Variants in DGKB observed in about 807,000 individuals in gnomAD.
DGKB encodes the protein 90 kDa diacylglycerol kinase.
Under a neutral mutation model 114.3 loss-of-function variants are expected in DGKB, and 67 were observed. The ratio of observed to expected loss-of-function variants is 0.59; its 90% confidence interval spans 0.48 to 0.72. The LOEUF (loss-of-function observed/expected upper bound fraction) is 0.72. Ranked by LOEUF, DGKB falls within the 30% of genes least tolerant of loss-of-function variation. DGKB has a pLI of 0.00. For synonymous variants in DGKB, 398 were observed against 323.1 expected, an observed-to-expected ratio of 1.23 and a Z score of -2.49; for missense variants, 907 against 975.2, an observed-to-expected ratio of 0.93 and a Z score of 0.93.
chr7:14,292,660 G>A (rs1198345350), intron 23 of DGKB, among the ~76,000 whole-genome samples: 1 of 152,024 alleles, frequency 6.6e-6, no homozygotes, highest in Non-Finnish European at 1.5e-5. Flanking sequence ...CAGATCCTGG[G>A]GTGGTCTTAC....
intron 13 of DGKB, among the ~76,000 whole-genome samples, chr7:14,670,356 G>T (rs1818762060): frequency 6.6e-6 from 1 of 151,534 alleles, no homozygotes; most frequent in South Asian, 2.1e-4. Flanking sequence ...AGTCTGGAGT[G>T]CAGTGATGCA....
chr7:14,375,894 G>T (rs188751196), intron 21 of DGKB, among the ~76,000 whole-genome samples: 1 of 152,338 alleles, frequency 6.6e-6, no homozygotes, highest in East Asian at 1.9e-4. Context: ...TAAAGGATGA[G>T]TAAATTTCAA....
intron 25 of DGKB, among the ~76,000 whole-genome samples, chr7:14,159,545 A>ATATC (rs1179876556): frequency 2.0e-5 from 3 of 152,250 alleles, no homozygotes; most frequent in Admixed American, 2.0e-4. Context: ...TTCAGAGATC[A>ATATC]TATCTTTTTT....
intron 20 of DGKB, among the ~76,000 whole-genome samples, chr7:14,573,797 T>C (rs1183592106): frequency 6.6e-6 from 1 of 152,088 alleles, no homozygotes; most frequent in East Asian, 1.9e-4. Flanking sequence ...AGATTTTTAG[T>C]AAGTTATAAT....
chr7:14,170,533 TC>T (rs1182727549), intron 25 of DGKB, among the ~76,000 whole-genome samples: 3 of 152,148 alleles, frequency 2.0e-5, no homozygotes, highest in African/African-American at 7.2e-5. Context: ...TCTTGAAAAA[TC>T]CAGCAACCTT....
intron 21 of DGKB, among the ~76,000 whole-genome samples, chr7:14,408,365 C>T (rs1233344587): frequency 1.3e-5 from 2 of 151,996 alleles, no homozygotes; most frequent in Non-Finnish European, 2.9e-5. Context: ...TTTCTGAAAT[C>T]AATAAGCAAT....
intron 5 of DGKB, among the ~76,000 whole-genome samples, chr7:14,721,201 T>G (rs1033129168): frequency 6.6e-6 from 1 of 152,222 alleles, no homozygotes; most frequent in Non-Finnish European, 1.5e-5. Flanking sequence ...ATATTATAGA[T>G]CTTCACTTAT....
chr7:14,366,854 T>C (rs974033844), intron 21 of DGKB, among the ~76,000 whole-genome samples: 1 of 152,148 alleles, frequency 6.6e-6, no homozygotes, highest in Non-Finnish European at 1.5e-5. Context: ...AATTATATAC[T>C]TTATTGTGTC....
intron 20 of DGKB, among the ~76,000 whole-genome samples, chr7:14,537,808 C>T (rs1458209581): frequency 2.0e-5 from 3 of 152,082 alleles, no homozygotes; most frequent in African/African-American, 4.8e-5. Flanking sequence ...GGGCTGGGCG[C>T]GGTGGCTCAC....
chr7:14,590,662 T>C (rs978486918), intron 17 of DGKB, among the ~76,000 whole-genome samples: 3 of 152,144 alleles, frequency 2.0e-5, no homozygotes, highest in Non-Finnish European at 4.4e-5. Context: ...CATTCCTTAC[T>C]ACATTCATTC....
intron 8 of DGKB, among the ~76,000 whole-genome samples, chr7:14,696,187 C>G (rs1466338654): frequency 6.6e-6 from 1 of 151,980 alleles, no homozygotes; most frequent in Non-Finnish European, 1.5e-5. Flanking sequence ...AGTGTTAGTG[C>G]CCGCTGTTTA....
intron 21 of DGKB, among the ~76,000 whole-genome samples, chr7:14,394,201 C>T (rs1307729635): frequency 1.3e-5 from 2 of 152,136 alleles, no homozygotes; most frequent in African/African-American, 4.8e-5. Flanking sequence ...TGGGTTTCCA[C>T]AACTTACTTG....
intron 1 of DGKB, among the ~76,000 whole-genome samples, chr7:14,915,792 C>A (rs1385999880): frequency 6.6e-6 from 1 of 151,976 alleles, no homozygotes; most frequent in African/African-American, 2.4e-5. Flanking sequence ...AAAAGAGAAA[C>A]AGGGAATTTG....
intron 7 of DGKB, among the ~76,000 whole-genome samples, chr7:14,700,602 G>A (rs1056447136): frequency 2.6e-5 from 4 of 152,048 alleles, no homozygotes; most frequent in African/African-American, 9.7e-5. Context: ...CCTAGAGTAG[G>A]AGTTATATAT....
rs375640438 is a variant in DGKB at position 14,554,219 on chromosome 7, G to C, written c.1770+19993C>G. ...CAGCTAGGTAAAGACATTTATGTTTGATCACCACTGTGTTCCCTAACATTT... is the reference window on the plus strand; with the variant it reads ...CAGCTAGGTAAAGACATTTATGTTTCATCACCACTGTGTTCCCTAACATTT... On this transcript the variant is annotated intron_variant, in intron 20 of 25. Coordinates refer to ENST00000402815, the MANE Select transcript of DGKB (RefSeq NM_001350709.2). Among the ~76,000 whole-genome samples the C allele has an allele frequency of 2.5e-3, 379 of 152,162 alleles. 6 individuals are homozygous for C. Among genetic ancestry groups the C allele is most frequent in the African/African-American group, 8.8e-3 (364 of 41,514 alleles).
At chr7:14,816,595 A>T (rs1844188246) in intron 2 of DGKB, 1 of 152,186 alleles carries the variant, frequency 6.6e-6, no homozygotes, top group Non-Finnish European at 1.5e-5. Flanking sequence ...TGCATGTTAT[A>T]ACTGTGCCAC....
intron 23 of DGKB, among the ~76,000 whole-genome samples, chr7:14,196,187 A>G (rs1317504206): frequency 1.3e-5 from 2 of 152,030 alleles, no homozygotes; most frequent in African/African-American, 4.8e-5. Flanking sequence ...AGGACTAAGG[A>G]CCCCTCACTC....
chr7:14,737,283 ATTTTTTTTTTT>A (rs11348925), intron 4 of DGKB, among the ~76,000 whole-genome samples: 3 of 82,504 alleles, frequency 3.6e-5, no homozygotes, highest in African/African-American at 8.6e-5. Context: ...TTGAAGGCCA[ATTTTTTTTTTT>A]TTTTTTTTTT....
intron 12 of DGKB, among the ~76,000 whole-genome samples, chr7:14,677,545 A>G (rs1032937155): frequency 6.6e-6 from 1 of 152,060 alleles, no homozygotes; most frequent in South Asian, 2.1e-4. Context: ...TTAGTAATTC[A>G]TTTTTATGAA....
Sources: allele counts gnomAD v4.1 joint callset (sites outside exome capture counted in the v4.1 genomes callset), GRCh38; gene constraint gnomAD v4.1.1; transcripts MANE v1.5; gene names NCBI Gene and HGNC (gene_info 2026-07-23, HGNC 2026-07-21).